The following CDKAL1 variants were observed in gnomAD, a reference collection of about 807,000 sequenced individuals.
CDKAL1 encodes the protein CDKAL1 threonylcarbamoyladenosine tRNA methylthiotransferase, also known as threonylcarbamoyladenosine tRNA methylthiotransferase.
CDKAL1 carries 32 observed loss-of-function variants against 68.2 expected under a neutral mutation model. That is an observed-to-expected ratio of 0.47 (90% CI 0.35 to 0.63). The LOEUF is 0.63. Among genes scored for constraint, CDKAL1 ranks in the 30% least tolerant of loss-of-function variants. The probability of loss-of-function intolerance (pLI) is 0.00; values close to 1 mark genes in which losing one functional copy is unlikely to be tolerated. For synonymous variants in CDKAL1, 234 were observed against 244.3 expected, an observed-to-expected ratio of 0.96 and a Z score of 0.39; for missense variants, 606 against 696.7, an observed-to-expected ratio of 0.87 and a Z score of 1.47.
chr6:20,995,694 T>G (rs1306259730), intron 10 of CDKAL1, among the ~76,000 whole-genome samples: 2 of 152,320 alleles, frequency 1.3e-5, no homozygotes, highest in Non-Finnish European at 2.9e-5. Flanking sequence ...AGAGTCAATT[T>G]ATCATAATTC....
chr6:20,782,665 G>T (rs897425532), intron 8 of CDKAL1, among the ~76,000 whole-genome samples: 1 of 151,988 alleles, frequency 6.6e-6, no homozygotes, highest in Non-Finnish European at 1.5e-5. Flanking sequence ...TATTTTAATG[G>T]TCTCTCCTCA....
chr6:21,140,357 A>G (rs1390494843), intron 13 of CDKAL1, among the ~76,000 whole-genome samples: 3 of 152,226 alleles, frequency 2.0e-5, no homozygotes, highest in African/African-American at 7.2e-5. Context: ...ACTTGCATTG[A>G]GACCAAATGT....
chr6:21,077,285 A>G (rs1455082114), intron 12 of CDKAL1, among the ~76,000 whole-genome samples: 1 of 152,194 alleles, frequency 6.6e-6, no homozygotes, highest in Admixed American at 6.5e-5. Context: ...CTTGAATTCA[A>G]ATAGGAATAC....
intron 11 of CDKAL1, among the ~76,000 whole-genome samples, chr6:21,030,167 T>C (rs113522080): frequency 1.3e-5 from 2 of 152,348 alleles, no homozygotes; most frequent in Non-Finnish European, 2.9e-5. Flanking sequence ...AATGAGATCA[T>C]GTTCTTTGCA....
chr6:20,910,941 C>T (rs1213837227), intron 9 of CDKAL1, among the ~76,000 whole-genome samples: 1 of 152,174 alleles, frequency 6.6e-6, no homozygotes, highest in Non-Finnish European at 1.5e-5. Context: ...AAAGCTAGGG[C>T]AGAGGCCTGG....
At chr6:20,837,937 T>TTGTGTGTGTGTGTGTGTG (rs531904726) in intron 8 of CDKAL1, among the ~76,000 whole-genome samples, 1 of 123,176 alleles carries the variant, frequency 8.1e-6, no homozygotes, top group Non-Finnish European at 1.7e-5. Flanking sequence ...TGGGAAGAAA[T>TTGTGTGTGTGTGTGTGTG]TGTGTGTGTG....
intron 12 of CDKAL1, among the ~76,000 whole-genome samples, chr6:21,098,435 G>C (rs943824295): frequency 1.3e-5 from 2 of 151,624 alleles, no homozygotes; most frequent in Admixed American, 6.6e-5. Flanking sequence ...CATGAATTTA[G>C]AGCCTGGAGG....
At chr6:20,684,661 T>C (rs76698855) in intron 5 of CDKAL1, among the ~76,000 whole-genome samples, 2,271 of 152,320 alleles carry the variant, frequency 0.015, 48 homozygotes, top group African/African-American at 0.052. Context: ...TTCCTGTTGC[T>C]CCGCATCCTT....
At chr6:20,843,107 T>A (rs1778240106) in intron 8 of CDKAL1, among the ~76,000 whole-genome samples, 1 of 152,120 alleles carries the variant, frequency 6.6e-6, no homozygotes, top group South Asian at 2.1e-4. Flanking sequence ...TAAGCCAACC[T>A]GTCAGCAACA....
intron 7 of CDKAL1, among the ~76,000 whole-genome samples, chr6:20,759,934 A>G (rs983953214): frequency 2.6e-5 from 4 of 152,120 alleles, no homozygotes; most frequent in South Asian, 2.1e-4. Flanking sequence ...TTAAAAAACC[A>G]TATAGTCTCC....
chr6:20,822,165 T>C (rs1307132028), intron 8 of CDKAL1, among the ~76,000 whole-genome samples: 8 of 152,168 alleles, frequency 5.3e-5, no homozygotes, highest in Non-Finnish European at 4.4e-5. Context: ...GCCCCTGATA[T>C]AGAGAGCATT....
intron 5 of CDKAL1, among the ~76,000 whole-genome samples, chr6:20,672,481 A>G (rs1211891950): frequency 6.6e-6 from 1 of 151,794 alleles, no homozygotes; most frequent in Non-Finnish European, 1.5e-5. Context: ...CAGCCTCCCG[A>G]GTAGCTGGGA....
intron 13 of CDKAL1, among the ~76,000 whole-genome samples, chr6:21,179,988 T>C (rs1016694280): frequency 6.6e-6 from 1 of 152,072 alleles, no homozygotes; most frequent in African/African-American, 2.4e-5. Flanking sequence ...GCCACTGCAC[T>C]CCAGCCTGGG....
intron 13 of CDKAL1, among the ~76,000 whole-genome samples, chr6:21,182,212 C>A (rs1017685955): frequency 6.6e-6 from 1 of 152,130 alleles, no homozygotes; most frequent in Non-Finnish European, 1.5e-5. Flanking sequence ...CTAAGGCCTT[C>A]AGAATAAATT....
rs147793793 is a variant in CDKAL1 at position 20,569,616 on chromosome 6, A to C, written c.286+20911A>C. Among the ~76,000 whole-genome samples, 72 of 152,300 alleles carry C rather than the reference A, an allele frequency of 4.7e-4. 1 individual carries two copies. The East Asian group carries it at 0.013, about 28-fold the overall frequency. ...CTTAATTCAGGTGCTATGCTGTTTT[A>C]ATTCTAAAGGTGTTGTGAAGTATGG... On this transcript the variant is annotated intron_variant, in intron 4 of 15. Coordinates refer to ENST00000274695, the MANE Select transcript of CDKAL1 (RefSeq NM_017774.3).
rs1323772858 is a variant in CDKAL1, at chr6:20,740,588, A to G, written c.468+973A>G. Reference sequence around the variant, plus strand: ...AAATATGTAAAAACATCATATGCTCATAGAAGAAGTTTACATAATTAATTG... The same window carrying G: ...AAATATGTAAAAACATCATATGCTCGTAGAAGAAGTTTACATAATTAATTG... On this transcript the variant is annotated intron_variant, in intron 6 of 15. Coordinates refer to ENST00000274695, the MANE Select transcript of CDKAL1 (RefSeq NM_017774.3). Among the ~76,000 whole-genome samples the G allele has an allele frequency of 6.6e-5, 10 of 152,226 alleles. No individual in the cohort carries two copies. The South Asian group carries it at 1.9e-3, about 28-fold the overall frequency.
intron 9 of CDKAL1, among the ~76,000 whole-genome samples, chr6:20,886,479 A>C (rs1761072926): frequency 6.6e-6 from 1 of 152,254 alleles, no homozygotes; most frequent in Non-Finnish European, 1.5e-5. Context: ...CCAAAGGTGG[A>C]AACAACCCAA....
intron 5 of CDKAL1, among the ~76,000 whole-genome samples, chr6:20,715,982 G>T (rs910988697): frequency 7.9e-5 from 12 of 152,120 alleles, no homozygotes; most frequent in African/African-American, 2.9e-4. Flanking sequence ...CTCAACTTAG[G>T]TAAGAAGACG....
At chr6:21,120,766 C>T (rs906727810) in intron 13 of CDKAL1, among the ~76,000 whole-genome samples, 9 of 151,878 alleles carry the variant, frequency 5.9e-5, no homozygotes, top group Admixed American at 5.9e-4. Context: ...TCAAACAGTA[C>T]CTAAAGAGCT....
Sources: gnomAD v4.1 joint callset for allele counts (sites outside exome capture counted in the v4.1 genomes callset) on GRCh38, gnomAD v4.1.1 for gene constraint, MANE v1.5 for transcripts, NCBI Gene and HGNC (gene_info 2026-07-23, HGNC 2026-07-21) for gene names.